Variants in SGMS2 observed in about 807,000 individuals in gnomAD.
SGMS2 encodes sphingomyelin synthase 2.
A neutral mutation model predicts 43.8 loss-of-function variants in SGMS2; 21 were observed. The ratio of observed to expected loss-of-function variants is 0.48; its 90% CI spans 0.34 to 0.69. The LOEUF (loss-of-function observed/expected upper bound fraction) is 0.69, where lower values mean the gene tolerates loss of function less well. SGMS2 is among the 30% of genes least tolerant of loss of function. The pLI is 0.01. For synonymous variants in SGMS2, 167 were observed against 160.6 expected, an observed-to-expected ratio of 1.04 and a Z score of -0.30; for missense variants, 384 against 443.2, an observed-to-expected ratio of 0.87 and a Z score of 1.20.
intron 2 of SGMS2, among the ~76,000 whole-genome samples, chr4:107,860,427 C>A (rs1400348893): frequency 6.6e-6 from 1 of 151,690 alleles, no homozygotes; most frequent in Non-Finnish European, 1.5e-5. Flanking sequence ...TGCATGTAGA[C>A]AATATATCTA....
intron 2 of SGMS2, among the ~76,000 whole-genome samples, chr4:107,870,724 A>G (rs1728500117): frequency 6.6e-6 from 1 of 152,156 alleles, no homozygotes; most frequent in Non-Finnish European, 1.5e-5. Flanking sequence ...GTAAGAGATA[A>G]TTTTAGAAAC....
chr4:107,828,276 C>T (rs899616701), intron 1 of SGMS2, among the ~76,000 whole-genome samples: 8 of 152,160 alleles, frequency 5.3e-5, no homozygotes, highest in East Asian at 1.9e-4. Flanking sequence ...GGCCAGGCAA[C>T]GTGACAGTTG....
intron 2 of SGMS2, among the ~76,000 whole-genome samples, chr4:107,880,884 AGAAAAG>A (rs1295005902): frequency 6.6e-6 from 1 of 151,822 alleles, no homozygotes; most frequent in East Asian, 1.9e-4. Flanking sequence ...AAAAGAAAAA[AGAAAAG>A]AAAAAGGTAA....
Position 107,895,470 on chromosome 4 carries a change from GAAATAGAAGGATT to G in SGMS2, c.-83_-71del, listed in dbSNP as rs1314023913. The G allele has an allele frequency of 7.3e-7, 1 of 1,367,256 alleles. No individual in the cohort carries two copies. The highest frequency in any genetic ancestry group is 1.0e-6 in the Non-Finnish European group (1 of 997,308). 84.7% of individuals were successfully genotyped at this position (1,367,256 alleles called of 1,614,324 possible). A position where few individuals can be genotyped will look rare whatever the true frequency, so the allele number is the denominator to read the frequency against. On this transcript the variant is annotated 5_prime_UTR_variant, in exon 3 of 7. It removes the in-frame stop codon of an upstream open reading frame in the 5' UTR. Transcript: ENST00000690982. ...ATTGTAAGAGTCCATGTTGATCTTG[GAAATAGAAGGATT>G]GAAAAAAGCTAAATTTCCACAAAGA... is the stretch of plus-strand genomic sequence containing the variant.
intron 2 of SGMS2, chr4:107,867,198 G>A (rs1198239857): frequency 6.6e-6 from 1 of 152,226 alleles, no homozygotes; most frequent in African/African-American, 2.4e-5. Context: ...CAACACAGAT[G>A]AAGGGTGTAC....
At chr4:107,836,640 A>T (rs1262230370) in intron 1 of SGMS2, among the ~76,000 whole-genome samples, 1 of 152,118 alleles carries the variant, frequency 6.6e-6, no homozygotes, top group Non-Finnish European at 1.5e-5. Context: ...CCTCTTGTCC[A>T]CCATCATCTT....
At chr4:107,851,002 A>C (rs1238075973) in intron 1 of SGMS2, among the ~76,000 whole-genome samples, 1 of 151,532 alleles carries the variant, frequency 6.6e-6, no homozygotes, top group African/African-American at 2.4e-5. Context: ...CCACCAAATA[A>C]CTCCTTAGCA....
intron 1 of SGMS2, among the ~76,000 whole-genome samples, chr4:107,851,389 A>C (rs1335974639): frequency 1.3e-5 from 2 of 152,200 alleles, no homozygotes; most frequent in African/African-American, 4.8e-5. Flanking sequence ...GAGAGAGGAA[A>C]ATAAAAACTA....
chr4:107,880,583 C>T (rs758877396), intron 2 of SGMS2, among the ~76,000 whole-genome samples: 4 of 152,086 alleles, frequency 2.6e-5, no homozygotes, highest in South Asian at 2.1e-4. Flanking sequence ...TGGCCGGGTG[C>T]GATGGCTCAC....
intron 4 of SGMS2, among the ~76,000 whole-genome samples, chr4:107,901,226 C>T (rs988468375): frequency 7.2e-5 from 11 of 152,164 alleles, no homozygotes; most frequent in South Asian, 2.1e-4. Flanking sequence ...GGGACCCCTT[C>T]CTGAAGCATA....
chr4:107,869,690 C>G (rs1472289774), intron 2 of SGMS2, among the ~76,000 whole-genome samples: 2 of 151,782 alleles, frequency 1.3e-5, no homozygotes, highest in Non-Finnish European at 2.9e-5. Context: ...AAAAGAATCT[C>G]TTTCTTACAG....
At chr4:107,890,571 A>C (rs1730119523) in intron 2 of SGMS2, among the ~76,000 whole-genome samples, 1 of 150,458 alleles carries the variant, frequency 6.6e-6, no homozygotes, top group South Asian at 2.2e-4. Flanking sequence ...ACTACTTGGG[A>C]GACTGGGGCA....
chr4:107,899,193 G>A (rs924881333), intron 3 of SGMS2, among the ~76,000 whole-genome samples: 2 of 152,134 alleles, frequency 1.3e-5, no homozygotes, highest in Non-Finnish European at 2.9e-5. Flanking sequence ...TCAAGAAAGG[G>A]TTTTAATGCA....
At chr4:107,864,729 A>G (rs549748153) in intron 2 of SGMS2, among the ~76,000 whole-genome samples, 1 of 152,340 alleles carries the variant, frequency 6.6e-6, no homozygotes, top group South Asian at 2.1e-4. Context: ...CTCTATAAAA[A>G]GTAAAGGAGA....
At chr4:107,906,038 A>G (rs1295811615) in intron 5 of SGMS2, among the ~76,000 whole-genome samples, 1 of 152,234 alleles carries the variant, frequency 6.6e-6, no homozygotes, top group Non-Finnish European at 1.5e-5. Context: ...TTCTGTATGT[A>G]AGCAGAGCAT....
chr4:107,879,966 T>C (rs955764765), intron 2 of SGMS2, among the ~76,000 whole-genome samples: 1 of 152,216 alleles, frequency 6.6e-6, no homozygotes, highest in African/African-American at 2.4e-5. Flanking sequence ...AGATAACCAC[T>C]AATTACTTTG....
At position 107,891,841 on chromosome 4, in the gene SGMS2, T is replaced by C. The variant is rs568803210; in HGVS notation, c.-244-3469T>C. On this transcript the variant is annotated intron_variant, in intron 2 of 6. Coordinates refer to ENST00000690982, the MANE Select transcript of SGMS2 (RefSeq NM_001375905.1). ...GCCCACACCATGTTGCCTGTTTCTT[T>C]ACACATGGTGACAAAAAGGAAGATG... Among the ~76,000 whole-genome samples, 4 of 152,240 alleles carry C rather than the reference T, an allele frequency of 2.6e-5. No individual in the cohort carries two copies. In the East Asian group the frequency reaches 7.7e-4, roughly 29 times the overall value.
At chr4:107,833,595 C>G (rs1274704490) in intron 1 of SGMS2, among the ~76,000 whole-genome samples, 1 of 152,160 alleles carries the variant, frequency 6.6e-6, no homozygotes, top group Non-Finnish European at 1.5e-5. Context: ...AAATTACCTT[C>G]AATCTGCATA....
intron 2 of SGMS2, among the ~76,000 whole-genome samples, chr4:107,866,543 G>T (rs1182100653): frequency 6.6e-6 from 1 of 151,536 alleles, no homozygotes. Flanking sequence ...TCCAGCCTGG[G>T]TGACAAGAGT....
Sources: gnomAD v4.1 joint callset for allele counts (sites outside exome capture counted in the v4.1 genomes callset) on GRCh38, gnomAD v4.1.1 for gene constraint, MANE v1.5 for transcripts, NCBI Gene and HGNC (gene_info 2026-07-23, HGNC 2026-07-21) for gene names.